PPFIA2: variants seen among roughly 807,000 people sequenced by gnomAD.
PPFIA2 encodes the protein PPFI scaffold protein A2, also known as liprin-alpha-2.
PPFIA2 carries 46 observed loss-of-function variants against 175.5 expected under a neutral mutation model. That is an observed-to-expected ratio of 0.26 (90% CI 0.21 to 0.34). The LOEUF is 0.34. PPFIA2 is among the 10% of genes least tolerant of loss of function. The pLI, the probability that PPFIA2 is intolerant of heterozygous loss-of-function variation, is 1.00. For missense variants in PPFIA2, 1,179 were observed against 1,506.1 expected (o/e 0.78, Z 3.60); for synonymous variants, 568 against 511.4 (o/e 1.11, Z -1.49).
At chr12:81,533,802 A>T (rs2064995512) in intron 4 of PPFIA2, among the ~76,000 whole-genome samples, 1 of 151,008 alleles carries the variant, frequency 6.6e-6, no homozygotes, top group Admixed American at 6.6e-5. Context: ...TATATATATG[A>T]TAATTTGTGA....
Position 81,590,112 on chromosome 12 carries a change from T to A in PPFIA2, c.303+86679A>T, listed in dbSNP as rs537629059. 2.6e-5 allele frequency among the ~76,000 whole-genome samples: 4 copies of A among 152,268 alleles called. No individual in the cohort carries two copies. In the South Asian group the frequency reaches 8.3e-4, roughly 32 times the overall value. On this transcript the variant is annotated intron_variant, in intron 4 of 32. Coordinates refer to ENST00000549396, the MANE Select transcript of PPFIA2 (RefSeq NM_003625.5). The stretch of plus-strand genomic sequence containing the variant: ...ATTGGGTGACAGAGCAAAATACTGA[T>A]TCTCTCTCTTGGCTGGGAAACTCTG...
intron 3 of PPFIA2, among the ~76,000 whole-genome samples, chr12:81,731,665 G>T (rs892325821): frequency 6.6e-6 from 1 of 151,604 alleles, no homozygotes; most frequent in African/African-American, 2.4e-5. Context: ...GCTGGTTAAT[G>T]TGAGGGTTCA....
intron 4 of PPFIA2, among the ~76,000 whole-genome samples, chr12:81,510,536 A>C (rs2061656705): frequency 6.6e-6 from 1 of 152,102 alleles, no homozygotes; most frequent in African/African-American, 2.4e-5. Context: ...TTATTTCTTT[A>C]ATTCTAAAGA....
intron 22 of PPFIA2, among the ~76,000 whole-genome samples, chr12:81,325,407 A>T (rs147513688): frequency 6.6e-6 from 1 of 152,284 alleles, no homozygotes; most frequent in Non-Finnish European, 1.5e-5. Context: ...CATTTCAAAG[A>T]GTAGATACTT....
At chr12:81,262,129 G>GAAA in intron 31 of PPFIA2, 89 bp from the exon 32 acceptor site, 13 of 903,104 alleles carry the variant, frequency 1.4e-5, no homozygotes, top group Non-Finnish European at 2.3e-5. Context: ...TGCATACAGG[G>GAAA]ATTCCGAACA....
intron 4 of PPFIA2, among the ~76,000 whole-genome samples, chr12:81,599,272 C>T (rs2059561161): frequency 6.6e-6 from 1 of 151,802 alleles, no homozygotes. Flanking sequence ...CTACTTTAAA[C>T]CTGAAGGCTG....
At chr12:81,485,098 C>G (rs2146844184) in intron 4 of PPFIA2, among the ~76,000 whole-genome samples, 1 of 151,892 alleles carries the variant, frequency 6.6e-6, no homozygotes. Context: ...AAATCACTAG[C>G]TTGAGCTATA....
intron 24 of PPFIA2, among the ~76,000 whole-genome samples, chr12:81,293,815 G>T (rs1024457111): frequency 1.3e-5 from 2 of 152,010 alleles, no homozygotes; most frequent in Non-Finnish European, 2.9e-5. Context: ...AAAAGCAATT[G>T]TTATATCAAA....
At chr12:81,275,024 T>C in intron 28 of PPFIA2, among the ~76,000 whole-genome samples, 1 of 152,196 alleles carries the variant, frequency 6.6e-6, no homozygotes, top group Non-Finnish European at 1.5e-5. Flanking sequence ...AGCTGAGGCA[T>C]AATAAAATCT....
At chr12:81,436,859 C>T (rs1405006380) in intron 7 of PPFIA2, among the ~76,000 whole-genome samples, 7 of 152,124 alleles carry the variant, frequency 4.6e-5, no homozygotes, top group Non-Finnish European at 8.8e-5. Context: ...AGTTAAGCCA[C>T]ATGGACAATA....
chr12:81,491,633 T>A (rs1040020915), intron 4 of PPFIA2, among the ~76,000 whole-genome samples: 1 of 151,794 alleles, frequency 6.6e-6, no homozygotes, highest in Admixed American at 6.6e-5. Flanking sequence ...GAGGATACAA[T>A]AGGAAGCAGA....
chr12:81,552,274 G>A (rs557397994), intron 4 of PPFIA2, among the ~76,000 whole-genome samples: 2 of 151,844 alleles, frequency 1.3e-5, no homozygotes, highest in South Asian at 2.1e-4. Flanking sequence ...CTATGCAGGA[G>A]GAGAAAGTAA....
intron 13 of PPFIA2, chr12:81,368,034 G>A: frequency 9.2e-7 from 1 of 1,086,440 alleles, no homozygotes; most frequent in Non-Finnish European, 1.2e-6. Context: ...AAAATGTCTA[G>A]CTAAAATAGT....
chr12:81,374,778 G>T lies in PPFIA2; in HGVS notation c.1132-10C>A. 6.2e-7 allele frequency: 1 copy of T among 1,609,800 alleles called. No individual in the cohort carries two copies. The highest frequency in any genetic ancestry group is 8.5e-7 in the Non-Finnish European group (1 of 1,177,544). ...TGTTTTTCTCTTCCATCTGAAATGG[G>T]AATGGGAGCAGAGACACTTAAAGAG... On this transcript the variant is annotated splice_polypyrimidine_tract_variant and intron_variant, in intron 10 of 32. Coordinates refer to ENST00000549396, the MANE Select transcript of PPFIA2 (RefSeq NM_003625.5).
At chr12:81,627,396 T>A (rs1439966372) in intron 4 of PPFIA2, among the ~76,000 whole-genome samples, 1 of 152,142 alleles carries the variant, frequency 6.6e-6, no homozygotes, top group Admixed American at 6.6e-5. Flanking sequence ...ATATCTCATG[T>A]ACCCCATAAA....
At chr12:81,752,032 G>A (rs144872702) in intron 3 of PPFIA2, among the ~76,000 whole-genome samples, 338 of 152,276 alleles carry the variant, frequency 2.2e-3, no homozygotes, top group African/African-American at 7.6e-3. Flanking sequence ...AAAGACAAAT[G>A]TAAGAGGGAT....
chr12:81,443,435 C>T (rs1341218198), intron 6 of PPFIA2, among the ~76,000 whole-genome samples: 2 of 151,934 alleles, frequency 1.3e-5, no homozygotes, highest in Non-Finnish European at 2.9e-5. Flanking sequence ...TATTATAGCT[C>T]CTAGGGTCAT....
At chr12:81,596,111 C>T (rs2059216369) in intron 4 of PPFIA2, among the ~76,000 whole-genome samples, 2 of 151,818 alleles carry the variant, frequency 1.3e-5, no homozygotes, top group Non-Finnish European at 2.9e-5. Context: ...TATGCTGCCT[C>T]AATATGGGTT....
chr12:81,288,027 T>A (rs2043922550), intron 24 of PPFIA2, among the ~76,000 whole-genome samples: 1 of 151,848 alleles, frequency 6.6e-6, no homozygotes, highest in Non-Finnish European at 1.5e-5. Context: ...TTGTGGCTAA[T>A]ATCATCTGAG....
Sources: allele counts gnomAD v4.1 joint callset (sites outside exome capture counted in the v4.1 genomes callset), GRCh38; gene constraint gnomAD v4.1.1; transcripts MANE v1.5; gene names NCBI Gene and HGNC (gene_info 2026-07-23, HGNC 2026-07-21).